MRPL38: variants seen among roughly 807,000 people sequenced by gnomAD.
MRPL38 encodes the protein large ribosomal subunit protein mL38.
A neutral mutation model predicts 52.1 loss-of-function variants in MRPL38; 51 were observed. That is an observed-to-expected ratio of 0.98 (90% CI 0.78 to 1.24). The LOEUF (loss-of-function observed/expected upper bound fraction) is 1.24, where lower values mean the gene tolerates loss of function less well. Among genes scored for constraint, MRPL38 ranks in the 50% most tolerant of loss-of-function variants. MRPL38 has a pLI of 0.00. For missense variants in MRPL38, 527 were observed against 518.6 expected, an observed-to-expected ratio of 1.02 and a Z score of -0.16; for synonymous variants, 245 against 212.7, an observed-to-expected ratio of 1.15 and a Z score of -1.32.
chr17:75,903,023 T>C (rs551445547), intron 2 of MRPL38, among the ~76,000 whole-genome samples: 4 of 152,178 alleles, frequency 2.6e-5, no homozygotes, highest in Non-Finnish European at 4.4e-5. Context: ...CTTCCAATTA[T>C]AGTTGAGATC....
At chr17:75,903,636 A>T (rs1434380402) in intron 2 of MRPL38, among the ~76,000 whole-genome samples, 1 of 152,156 alleles carries the variant, frequency 6.6e-6, no homozygotes, top group African/African-American at 2.4e-5. Context: ...TTTAACCACC[A>T]CAAAACTGCC....
In MRPL38 at chr17:75,898,779, G is replaced by A. The variant is rs1456531948; in HGVS notation, c.*71C>T. The A allele has an allele frequency of 3.8e-6, 6 of 1,580,858 alleles. No individual in the cohort carries two copies. The highest frequency in any genetic ancestry group is 1.8e-5 in the Admixed American group (1 of 56,420). ...GCAGGGCCCAGACCCCACAGTGTGG[G>A]CCTCTGGAGCTGTGTCTTTACTCTT... On this transcript the variant is annotated 3_prime_UTR_variant, in exon 9 of 9. Coordinates refer to ENST00000309352, the MANE Select transcript of MRPL38 (RefSeq NM_032478.4).
In MRPL38 at chr17:75,902,034, G is replaced by A. The variant is rs1317199531; in HGVS notation, c.368C>T (p.Ala123Val). ...AGAAGGCTTACCTGTGCGGAGGCGG[G>A]CAGCCCGCTCCTCTTCCACATTGGC... The part of the protein sequence containing the change: ...LRANVEEERA[A>V]RLRTASVPLD... Residue 123 changes from alanine (A) to valine (V), a missense_variant, in exon 3 of 9, where the codon GCC (alanine) becomes GTC (valine). Transcript: ENST00000309352. 1 of 1,613,572 alleles carries A rather than the reference G, an allele frequency of 6.2e-7. No homozygotes were observed. The highest frequency in any genetic ancestry group is 8.5e-7 in the Non-Finnish European group (1 of 1,179,804).
In MRPL38 at chr17:75,901,886, C is replaced by CCACTCGG; in HGVS notation, c.410_416dup (p.Trp139CysfsTer17). ...TGTGGTAGGGGCCACAGGTCCTCTC[C>CCACTCGG]CACTCGGCCCGCACGGCATCCAGCG... is the stretch of plus-strand genomic sequence containing the variant. On this transcript the variant is annotated frameshift_variant, in exon 4 of 9. Coordinates refer to ENST00000309352, the MANE Select transcript of MRPL38 (RefSeq NM_032478.4). LOFTEE classifies it high-confidence loss of function. The surrounding 1 kb of genome is among the most constrained non-coding windows in gnomAD (Gnocchi z 5.7). 6.2e-7 allele frequency: 1 copy of CCACTCGG among 1,612,662 alleles called. No homozygotes were observed. Among genetic ancestry groups the CCACTCGG allele is most frequent in the Non-Finnish European group, 8.5e-7 (1 of 1,179,702 alleles).
At chr17:75,903,124 C>T (rs570898192) in intron 2 of MRPL38, among the ~76,000 whole-genome samples, 1 of 152,340 alleles carries the variant, frequency 6.6e-6, no homozygotes, top group African/African-American at 2.4e-5. Context: ...AGAAGTGCTT[C>T]TCGGCCAGGT....
At position 75,899,306 on chromosome 17, in the gene MRPL38, T is replaced by TA. The variant is rs111818280; in HGVS notation, c.870-13dup. On this transcript the variant is annotated splice_polypyrimidine_tract_variant and intron_variant, in intron 7 of 8. Coordinates refer to ENST00000309352, the MANE Select transcript of MRPL38 (RefSeq NM_032478.4). ...GGGCCAGCTGATAGCTATGAGAAGA[T>TA]AGAGAGCGTATGAGAGTGTGGAGTG... is the stretch of plus-strand genomic sequence containing the variant. 95 of 1,611,618 alleles carry TA rather than the reference T, an allele frequency of 5.9e-5. No homozygotes were observed. Among genetic ancestry groups the TA allele is most frequent in the African/African-American group, 2.5e-4 (19 of 75,002 alleles).
chr17:75,898,735 AAG>A lies in MRPL38; in HGVS notation c.*113_*114del, dbSNP rs2065387525. On this transcript the variant is annotated 3_prime_UTR_variant, in exon 9 of 9. Coordinates refer to ENST00000309352, the MANE Select transcript of MRPL38 (RefSeq NM_032478.4). ...CCCTGGGCCTGACGGGAGGGGGCCA[AAG>A]AGGGGGGCTGCCTAAGGCAGGGCCC... 5 of 1,348,254 alleles carry A rather than the reference AAG, an allele frequency of 3.7e-6. No individual in the cohort carries two copies. The highest frequency in any genetic ancestry group is 1.4e-5 in the African/African-American group (1 of 69,172). 83.5% of individuals were successfully genotyped at this position (1,348,254 alleles called of 1,614,324 possible). A position where few individuals can be genotyped will look rare whatever the true frequency, so the allele number is the denominator to read the frequency against.
rs1378378677 is a variant in MRPL38, at chr17:75,901,666, CTG to C, written c.591+44_591+45del. ...TCTGTGACACTGAGATGGGATGTGTCTGTGTTTGCACAGGGCAGGGAGGAGGG... is the reference window on the plus strand; with the variant it reads ...TCTGTGACACTGAGATGGGATGTGTCTGTTTGCACAGGGCAGGGAGGAGGG... On this transcript the variant is annotated intron_variant, in intron 4 of 8. Coordinates refer to ENST00000309352, the MANE Select transcript of MRPL38 (RefSeq NM_032478.4). The surrounding 1 kb of genome is among the most constrained non-coding windows in gnomAD (Gnocchi z 5.7). 2.6e-6 allele frequency: 4 copies of C among 1,535,916 alleles called. No homozygotes were observed. The highest frequency in any genetic ancestry group is 2.3e-5 in the East Asian group (1 of 44,362).
Position 75,901,432 on chromosome 17 carries a change from G to C in MRPL38, c.592-159C>G. 2 of 763,116 alleles carry C rather than the reference G, an allele frequency of 2.6e-6. No individual in the cohort carries two copies. The highest frequency in any genetic ancestry group is 4.3e-6 in the Non-Finnish European group (2 of 462,430). 47.3% of individuals were successfully genotyped at this position (763,116 alleles called of 1,614,324 possible). A position where few individuals can be genotyped will look rare whatever the true frequency, so the allele number is the denominator to read the frequency against. On this transcript the variant is annotated intron_variant, in intron 4 of 8. Coordinates refer to ENST00000309352, the MANE Select transcript of MRPL38 (RefSeq NM_032478.4). This position sits in a 1 kb window ranked among gnomAD's most constrained non-coding sequence, Gnocchi z 5.7. ...ATGCGTAGAGAAGCAGCCCTGCAGAGTTGCCTGTCCAGGCAACAACCACAA... is the reference window on the plus strand; with the variant it reads ...ATGCGTAGAGAAGCAGCCCTGCAGACTTGCCTGTCCAGGCAACAACCACAA...
rs770547155 is a variant in MRPL38, at chr17:75,901,794, CG to C, written c.508del (p.Arg170GlufsTer15). 22 of 1,613,496 alleles carry C rather than the reference CG, an allele frequency of 1.4e-5. No homozygotes were observed. The highest frequency in any genetic ancestry group is 1.8e-5 in the Non-Finnish European group (21 of 1,179,842). Reference sequence around the variant, plus strand: ...AGCGTAGGCCACGTGCAGGGGGACTCGGGGCACAAAGGTGGCACCGTGGAAC... The same window carrying C: ...AGCGTAGGCCACGTGCAGGGGGACTCGGGCACAAAGGTGGCACCGTGGAAC... ...DLFHGATFVP[R>X]VPLHVAYAVG... On this transcript the variant is annotated frameshift_variant, in exon 4 of 9. Coordinates refer to ENST00000309352, the MANE Select transcript of MRPL38 (RefSeq NM_032478.4). LOFTEE classifies it high-confidence loss of function. The surrounding 1 kb of genome is among the most constrained non-coding windows in gnomAD (Gnocchi z 5.7).
At chr17:75,900,836 C>A in intron 6 of MRPL38, 146 bp downstream of exon 6, 1 of 1,441,994 alleles carries the variant, frequency 6.9e-7, no homozygotes, top group Non-Finnish European at 9.1e-7. Flanking sequence ...GATCCCAGGG[C>A]CCCTAACACC....
chr17:75,902,428 G>A, intron 2 of MRPL38: 1 of 447,596 alleles, frequency 2.2e-6, no homozygotes. Context: ...TAAAAAATCT[G>A]AGAGATGGGA....
chr17:75,903,963 G>C (rs551182347), intron 2 of MRPL38, among the ~76,000 whole-genome samples: 1 of 152,316 alleles, frequency 6.6e-6, no homozygotes, highest in African/African-American at 2.4e-5. Context: ...CCCGACCTCA[G>C]GTGATCCGCC....
intron 2 of MRPL38, among the ~76,000 whole-genome samples, chr17:75,902,942 G>A (rs952895243): frequency 5.3e-5 from 8 of 152,030 alleles, no homozygotes; most frequent in African/African-American, 1.9e-4. Context: ...CTAGGCTGGA[G>A]GCTGTGTTTT....
intron 2 of MRPL38, among the ~76,000 whole-genome samples, chr17:75,903,323 C>T (rs910550338): frequency 6.6e-6 from 1 of 152,182 alleles, no homozygotes; most frequent in Non-Finnish European, 1.5e-5. Flanking sequence ...GCAGGAAAAT[C>T]GCTTGAACCC....
chr17:75,898,956 C>T lies in MRPL38; in HGVS notation c.1037G>A (p.Arg346Gln), dbSNP rs564189277. 49 of 1,604,480 alleles carry T rather than the reference C, an allele frequency of 3.1e-5. No homozygotes were observed. The African/African-American group carries it at 3.2e-4, about 11-fold the overall frequency. The change falls in exon 9 of 9, where the codon CGG becomes CAG. Residue 346 changes from arginine (R) to glutamine (Q), a missense_variant. Transcript: ENST00000309352. ...DMREPVFEFVRPPPYHPKQKR... is the reference protein window; with the variant it reads ...DMREPVFEFVQPPPYHPKQKR... Reference sequence around the variant, plus strand: ...CTGCTTGGGGTGGTAAGGGGGCGGCCGCACGAACTCAAACACCGGCTCCCG... The same window carrying T: ...CTGCTTGGGGTGGTAAGGGGGCGGCTGCACGAACTCAAACACCGGCTCCCG...
intron 1 of MRPL38, 28 bp from the exon 2 acceptor site, chr17:75,904,747 G>A: frequency 2.7e-6 from 4 of 1,489,114 alleles, no homozygotes; most frequent in Non-Finnish European, 1.8e-6. Flanking sequence ...ACGTAAGGCC[G>A]GCGCCCCACA....
intron 2 of MRPL38, 66 bp from the exon 3 acceptor site, chr17:75,902,220 C>A: frequency 6.6e-7 from 1 of 1,507,634 alleles, no homozygotes; most frequent in South Asian, 1.2e-5. Flanking sequence ...CTCCCCAACT[C>A]AGTCTCCTGA....
In MRPL38 at chr17:75,899,626, G is replaced by A. The variant is rs765286447; in HGVS notation, c.759C>T (p.Pro253=). 1.4e-5 allele frequency: 23 copies of A among 1,604,770 alleles called. No homozygotes were observed. The change falls in exon 7 of 9, where the codon CCC becomes CCT. Residue 253 remains proline (P), a synonymous_variant. Coordinates refer to ENST00000309352, the MANE Select transcript of MRPL38 (RefSeq NM_032478.4). ...NRVAEGQVTC[P]YLPPFPARGS... ...CTCGGGCAGGGAAGGGGGGGAGGTA[G>A]GGACACGTCACCTGTCCTTCAGCCA...
Sources: gnomAD v4.1 joint callset for allele counts (sites outside exome capture counted in the v4.1 genomes callset) on GRCh38, gnomAD v4.1.1 for gene constraint, Gnocchi (gnomAD v3.1) non-coding constraint, MANE v1.5 for transcripts, NCBI Gene and HGNC (gene_info 2026-07-23, HGNC 2026-07-21) for gene names.